Variants in SEC14L5 observed in about 807,000 individuals in gnomAD.
The protein encoded by SEC14L5 is SEC14 like lipid binding 5.
In SEC14L5, 96 loss-of-function variants were observed where a neutral mutation model predicts 84.6. The ratio of observed to expected loss-of-function variants is 1.13; its 90% CI spans 0.96 to 1.34. SEC14L5 has a LOEUF of 1.34. Among genes scored for constraint, SEC14L5 ranks in the 40% most tolerant of loss-of-function variants. The pLI, the probability that SEC14L5 is intolerant of heterozygous loss-of-function variation, is 0.00. For synonymous variants in SEC14L5, 546 were observed against 383.4 expected (o/e 1.42, Z -4.95); for missense variants, 1,224 against 942.5 (o/e 1.30, Z -3.91).
intron 2 of SEC14L5, among the ~76,000 whole-genome samples, chr16:4,982,863 C>T (rs1955440944): frequency 6.6e-6 from 1 of 152,198 alleles, no homozygotes; most frequent in Admixed American, 6.5e-5. Context: ...CGAGTCTGTG[C>T]TGTCAGCCAG....
chr16:4,973,896 C>T (rs1473516530), intron 2 of SEC14L5, among the ~76,000 whole-genome samples: 1 of 151,974 alleles, frequency 6.6e-6, no homozygotes, highest in African/African-American at 2.4e-5. Flanking sequence ...GTTGACCAGG[C>T]TGGTCTTGAA....
At chr16:4,983,503 GAT>G (rs1955450322) in intron 2 of SEC14L5, among the ~76,000 whole-genome samples, 1 of 149,644 alleles carries the variant, frequency 6.7e-6, no homozygotes, top group East Asian at 1.9e-4. Flanking sequence ...TGTATAGAAA[GAT>G]ATATGCACAC....
In SEC14L5 at chr16:4,996,448, C is replaced by A; in HGVS notation, c.768C>A (p.Thr256=). 2 of 1,565,560 alleles carry A rather than the reference C, an allele frequency of 1.3e-6. No individual in the cohort carries two copies. The highest frequency in any genetic ancestry group is 8.7e-7 in the Non-Finnish European group (1 of 1,155,046). ...LIQLRHWLQE[T]HKGKIPKDEH... ...AGCTTCGGCACTGGTTACAGGAGAC[C>A]CACAAAGGCAAGGTGGGTGCAGGGG... The change falls in exon 7 of 16, where the codon ACC becomes ACA. Residue 256 remains threonine, a synonymous_variant. Coordinates refer to ENST00000251170, the MANE Select transcript of SEC14L5 (RefSeq NM_014692.2).
rs928807609 is a variant in SEC14L5, at chr16:4,977,263, A to G, written c.64-10294A>G. On this transcript the variant is annotated intron_variant, in intron 2 of 15. Coordinates refer to ENST00000251170, the MANE Select transcript of SEC14L5 (RefSeq NM_014692.2). ...GGAGTTCGAGACCAGCCTGGCCAAC[A>G]TGGTGAAACCCCATCTCTACTAAAA... is the stretch of plus-strand genomic sequence containing the variant. Among the ~76,000 whole-genome samples the G allele has an allele frequency of 6.6e-5, 10 of 152,112 alleles. No homozygotes were observed. The East Asian group carries it at 1.5e-3, about 24-fold the overall frequency.
intron 14 of SEC14L5, among the ~76,000 whole-genome samples, chr16:5,009,944 G>T (rs1596645801): frequency 6.6e-6 from 1 of 152,066 alleles, no homozygotes. Flanking sequence ...GAGTGCTGGG[G>T]AGGGGTTGGA....
chr16:5,011,477 G>A (rs776846202), intron 15 of SEC14L5, among the ~76,000 whole-genome samples: 68 of 152,196 alleles, frequency 4.5e-4, no homozygotes, highest in Non-Finnish European at 8.8e-4. Context: ...CTCTGCTTCC[G>A]AAGCAGGGAT....
chr16:5,007,623 T>TTG (rs1955746811), intron 13 of SEC14L5, 137 bp downstream of exon 13: 2 of 625,008 alleles, frequency 3.2e-6, no homozygotes, highest in African/African-American at 4.5e-5. Context: ...TTTTTTTTTT[T>TTG]GGGATGGAGT....
chr16:4,975,069 C>T (rs879636311), intron 2 of SEC14L5, among the ~76,000 whole-genome samples: 8 of 152,076 alleles, frequency 5.3e-5, no homozygotes, highest in Non-Finnish European at 7.3e-5. Context: ...TGAGCTACCG[C>T]GCCCAGCTTG....
chr16:4,973,592 C>G (rs1955304718), intron 2 of SEC14L5, among the ~76,000 whole-genome samples: 1 of 151,920 alleles, frequency 6.6e-6, no homozygotes, highest in African/African-American at 2.4e-5. Flanking sequence ...ATGCACGATG[C>G]AACACAGATG....
Position 4,996,905 on chromosome 16 carries a change from C to T in SEC14L5, c.831C>T (p.His277=). ...GGTTCCTGCGGGCTCATGACTTCCACCTGGACAAGGCCCGGGAAATGCTGC... is the reference window on the plus strand; with the variant it reads ...GGTTCCTGCGGGCTCATGACTTCCATCTGGACAAGGCCCGGGAAATGCTGC... ...ILRFLRAHDF[H]LDKAREMLRQ... Residue 277 remains histidine, a synonymous_variant, in exon 8 of 16, where the codon CAC becomes CAT. Coordinates refer to ENST00000251170, the MANE Select transcript of SEC14L5 (RefSeq NM_014692.2). 6.2e-7 allele frequency: 1 copy of T among 1,613,748 alleles called. No homozygotes were observed. The highest frequency in any genetic ancestry group is 8.5e-7 in the Non-Finnish European group (1 of 1,179,796).
At chr16:4,960,776 C>G (rs1011868478) in intron 2 of SEC14L5, 7 of 152,162 alleles carry the variant, frequency 4.6e-5, no homozygotes, top group African/African-American at 1.7e-4. Context: ...GTATAAAGCT[C>G]CTGGTACGGG....
intron 2 of SEC14L5, 47 bp from the exon 3 acceptor site, chr16:4,987,508 GTC>G: frequency 1.4e-6 from 2 of 1,445,168 alleles, no homozygotes; most frequent in Admixed American, 2.3e-5. Flanking sequence ...GGGGGGGGGG[GTC>G]CCTCTGCCCC....
chr16:4,979,659 C>A (rs771512671), intron 2 of SEC14L5, among the ~76,000 whole-genome samples: 1 of 152,286 alleles, frequency 6.6e-6, no homozygotes, highest in African/African-American at 2.4e-5. Context: ...GCAGTTCTCC[C>A]GGGGCCTGGA....
chr16:5,011,795 A>G (rs1449411721), intron 15 of SEC14L5, among the ~76,000 whole-genome samples: 1 of 152,082 alleles, frequency 6.6e-6, no homozygotes, highest in African/African-American at 2.4e-5. Flanking sequence ...CTGGAGCCCC[A>G]GTCTTGTGGG....
rs992316575 is a variant in SEC14L5 at position 5,009,116 on chromosome 16, A to G, written c.1800+468A>G. Among the ~76,000 whole-genome samples, 4 of 152,156 alleles carry G rather than the reference A, an allele frequency of 2.6e-5. 1 individual carries two copies. Among genetic ancestry groups the G allele is most frequent in the Non-Finnish European group, 4.4e-5 (3 of 68,020 alleles). On this transcript the variant is annotated intron_variant, in intron 14 of 15. Coordinates refer to ENST00000251170, the MANE Select transcript of SEC14L5 (RefSeq NM_014692.2). The stretch of plus-strand genomic sequence containing the variant: ...CTCTGAAGGCTGTAGGGAGGGGTTC[A>G]TTCTATGCCTCTGTCCTAGCCTTAG...
chr16:4,988,308 C>T (rs765742688), intron 4 of SEC14L5, 28 bp downstream of exon 4: 5 of 1,609,734 alleles, frequency 3.1e-6, no homozygotes, highest in Admixed American at 1.7e-5. Flanking sequence ...TCAGCGCCCA[C>T]GCCCGGCACC....
chr16:4,967,562 G>GTTTTTTTTTTTTTTTTTT (rs869061549), intron 2 of SEC14L5, among the ~76,000 whole-genome samples: 1 of 37,110 alleles, frequency 2.7e-5, no homozygotes, highest in Non-Finnish European at 5.5e-5. Flanking sequence ...TCTTTCTTTC[G>GTTTTTTTTTTTTTTTTTT]TTTTTTTTTT....
chr16:4,990,650 G>T, intron 4 of SEC14L5, 117 bp from the exon 5 acceptor site: 3 of 1,048,098 alleles, frequency 2.9e-6, no homozygotes, highest in Non-Finnish European at 4.0e-6. Flanking sequence ...GGGTTGCCAG[G>T]CTTGATCTGC....
At position 5,007,470 on chromosome 16, in the gene SEC14L5, G is replaced by A. The variant is rs1389063795; in HGVS notation, c.1556G>A (p.Arg519His). 9.3e-6 allele frequency: 15 copies of A among 1,613,362 alleles called. No individual in the cohort carries two copies. The highest frequency in any genetic ancestry group is 2.7e-5 in the African/African-American group (2 of 74,938). ...ACCTACCATTCAGCCAGCGTGCTCC[G>A]CGGAGCCCCCCACGAGGTGCCAGGG... Reference protein sequence around the residue: ...SETYHSASVLRGAPHEVAVEI... With the variant: ...SETYHSASVLHGAPHEVAVEI... The change falls in exon 13 of 16, where the codon CGC becomes CAC. Residue 519 changes from arginine to histidine, a missense_variant. Physicochemically the swap from Arg to His is conservative, Grantham distance 29. Coordinates refer to ENST00000251170, the MANE Select transcript of SEC14L5 (RefSeq NM_014692.2).
Sources: gnomAD v4.1 joint callset for allele counts (sites outside exome capture counted in the v4.1 genomes callset) on GRCh38, gnomAD v4.1.1 for gene constraint, MANE v1.5 for transcripts, NCBI Gene and HGNC (gene_info 2026-07-23, HGNC 2026-07-21) for gene names.